STXBP5L: variants seen among roughly 807,000 people sequenced by gnomAD.
The protein encoded by STXBP5L is syntaxin-binding protein 5-like.
A neutral mutation model predicts 144.5 loss-of-function variants in STXBP5L; 65 were observed. The ratio of observed to expected loss-of-function variants is 0.45; its 90% CI spans 0.37 to 0.55. STXBP5L has a LOEUF of 0.55. STXBP5L is among the 20% of genes least tolerant of loss of function. The probability of loss-of-function intolerance (pLI) is 0.00; values close to 1 mark genes in which losing one functional copy is unlikely to be tolerated. For missense variants in STXBP5L, 1,298 were observed against 1,405.5 expected (o/e 0.92, Z 1.22); for synonymous variants, 505 against 469.6 (o/e 1.08, Z -0.97).
intron 2 of STXBP5L, among the ~76,000 whole-genome samples, chr3:120,923,794 A>G (rs914068020): frequency 9.2e-5 from 14 of 152,238 alleles, no homozygotes; most frequent in African/African-American, 2.9e-4. Flanking sequence ...GTGCTGATGA[A>G]AAAAATGTGT....
intron 20 of STXBP5L, among the ~76,000 whole-genome samples, chr3:121,336,542 A>G (rs1164297070): frequency 6.6e-6 from 1 of 152,092 alleles, no homozygotes; most frequent in Non-Finnish European, 1.5e-5. Flanking sequence ...AAACAAAAAA[A>G]TCCACAAGGA....
At chr3:121,354,975 T>C (rs1031725423) in intron 20 of STXBP5L, among the ~76,000 whole-genome samples, 3 of 152,188 alleles carry the variant, frequency 2.0e-5, no homozygotes, top group Non-Finnish European at 4.4e-5. Context: ...GGATATGAAA[T>C]TCTGGGTTGA....
chr3:120,915,930 A>G (rs542578527), intron 2 of STXBP5L, among the ~76,000 whole-genome samples: 24 of 152,314 alleles, frequency 1.6e-4, no homozygotes, highest in South Asian at 4.1e-4. Context: ...TAGTCACTGA[A>G]TGAATGCAGC....
intron 3 of STXBP5L, among the ~76,000 whole-genome samples, chr3:120,959,584 C>T (rs1364348890): frequency 6.6e-6 from 1 of 152,098 alleles, no homozygotes; most frequent in Non-Finnish European, 1.5e-5. Context: ...ACAGAGGCCT[C>T]AGAAATAATG....
chr3:121,005,602 T>A (rs1247220424), intron 3 of STXBP5L, among the ~76,000 whole-genome samples: 3 of 152,216 alleles, frequency 2.0e-5, no homozygotes, highest in African/African-American at 7.2e-5. Context: ...AGCTTTTGAA[T>A]GTGTTTGCTC....
chr3:121,316,714 A>G (rs940963459), intron 19 of STXBP5L, among the ~76,000 whole-genome samples: 2 of 152,216 alleles, frequency 1.3e-5, no homozygotes, highest in African/African-American at 4.8e-5. Flanking sequence ...GTAGGCATTC[A>G]ATAAATTTGA....
Position 120,977,462 on chromosome 3 carries a change from G to C in STXBP5L, c.287+22425G>C, listed in dbSNP as rs151323518. ...TCTCTGCACGTGAGATGGGTTTCCT[G>C]AATACAGCACACTGATGGGTCTTGA... is the stretch of plus-strand genomic sequence containing the variant. On this transcript the variant is annotated intron_variant, in intron 3 of 26. Coordinates refer to ENST00000471454, the MANE Select transcript of STXBP5L (RefSeq NM_001308330.2). Among the ~76,000 whole-genome samples the C allele has an allele frequency of 2.5e-3, 380 of 152,274 alleles. 2 individuals carry two copies. Among genetic ancestry groups the C allele is most frequent in the African/African-American group, 8.6e-3 (357 of 41,554 alleles).
intron 5 of STXBP5L, among the ~76,000 whole-genome samples, chr3:121,109,125 A>T (rs183440642): frequency 2.8e-4 from 43 of 152,010 alleles, no homozygotes; most frequent in African/African-American, 1.0e-3. Context: ...TATCAATTTG[A>T]TTCTTCCGTC....
At chr3:121,075,642 A>T (rs918937015) in intron 5 of STXBP5L, among the ~76,000 whole-genome samples, 1 of 152,226 alleles carries the variant, frequency 6.6e-6, no homozygotes, top group Non-Finnish European at 1.5e-5. Context: ...TAAGACTTGC[A>T]GAGTCTCTCA....
intron 18 of STXBP5L, among the ~76,000 whole-genome samples, chr3:121,269,576 T>C (rs1197601068): frequency 1.3e-5 from 2 of 152,164 alleles, no homozygotes; most frequent in African/African-American, 4.8e-5. Flanking sequence ...GAGTGGCAGA[T>C]GGTACTTGCA....
chr3:121,373,000 C>T (rs769467612), intron 20 of STXBP5L, among the ~76,000 whole-genome samples: 13 of 152,134 alleles, frequency 8.5e-5, no homozygotes, highest in Non-Finnish European at 1.6e-4. Flanking sequence ...TAGAACATGA[C>T]GTTGCTTAAT....
At chr3:120,914,223 AAAAATAAGTATATTACCAAAAAAAGAGT>A (rs1708992445) in intron 2 of STXBP5L, among the ~76,000 whole-genome samples, 1 of 152,092 alleles carries the variant, frequency 6.6e-6, no homozygotes, top group Admixed American at 6.5e-5. Flanking sequence ...AACAAAAGAT[AAAAATAAGTATATTACCAAAAAAAGAGT>A]AAAATAAGTA....
chr3:121,188,760 C>G (rs761287273), intron 9 of STXBP5L, among the ~76,000 whole-genome samples: 12 of 152,138 alleles, frequency 7.9e-5, no homozygotes, highest in East Asian at 3.9e-4. Flanking sequence ...ATTCAACAAC[C>G]CTTCATGCTG....
chr3:121,032,276 C>T (rs1560028989), intron 3 of STXBP5L, among the ~76,000 whole-genome samples: 1 of 150,612 alleles, frequency 6.6e-6, no homozygotes, highest in Non-Finnish European at 1.5e-5. Flanking sequence ...ATTGGAGAGT[C>T]TTGTTATTAT....
chr3:121,194,512 GA>G (rs980323647), intron 9 of STXBP5L, among the ~76,000 whole-genome samples: 93 of 144,718 alleles, frequency 6.4e-4, no homozygotes, highest in Non-Finnish European at 9.0e-4. Flanking sequence ...TCCCTGCCTT[GA>G]AAAAAAAAAA....
At chr3:121,076,007 G>A (rs1464230678) in intron 5 of STXBP5L, among the ~76,000 whole-genome samples, 1 of 152,218 alleles carries the variant, frequency 6.6e-6, no homozygotes, top group Admixed American at 6.5e-5. Flanking sequence ...AGATCTATAA[G>A]AGCCTGAGGC....
intron 20 of STXBP5L, among the ~76,000 whole-genome samples, chr3:121,367,413 T>C (rs1576297904): frequency 6.6e-6 from 1 of 152,050 alleles, no homozygotes; most frequent in African/African-American, 2.4e-5. Context: ...TATAGGACTC[T>C]TGGTTGAAAT....
intron 2 of STXBP5L, 77 bp from the exon 3 acceptor site, chr3:120,954,863 G>A: frequency 8.1e-6 from 9 of 1,117,242 alleles, no homozygotes; most frequent in Non-Finnish European, 1.1e-5. Flanking sequence ...AGACATTCTG[G>A]TGGCTATATA....
intron 19 of STXBP5L, among the ~76,000 whole-genome samples, chr3:121,305,597 G>A (rs987226847): frequency 6.6e-6 from 1 of 152,018 alleles, no homozygotes; most frequent in African/African-American, 2.4e-5. Context: ...GATAAAATTA[G>A]ATATTTTAAA....
Sources: gnomAD v4.1 joint callset for allele counts (sites outside exome capture counted in the v4.1 genomes callset) on GRCh38, gnomAD v4.1.1 for gene constraint, MANE v1.5 for transcripts, NCBI Gene and HGNC (gene_info 2026-07-23, HGNC 2026-07-21) for gene names.